The following NAT9 variants were observed in gnomAD, a reference collection of about 807,000 sequenced individuals.
NAT9 encodes the protein alpha/beta-tubulin-N-acetyltransferase 9.
A neutral mutation model predicts 24.0 loss-of-function variants in NAT9; 18 were observed. The observed-to-expected ratio is 0.75, with a 90% CI of 0.52 to 1.11. The LOEUF (loss-of-function observed/expected upper bound fraction) is 1.11, where lower values mean the gene tolerates loss of function less well. NAT9 is among the 50% of genes most tolerant of loss of function. NAT9 has a pLI of 0.00. For missense variants in NAT9, 254 were observed against 258.6 expected, an observed-to-expected ratio of 0.98 and a Z score of 0.12; for synonymous variants, 104 against 102.3, an observed-to-expected ratio of 1.02 and a Z score of -0.10.
Position 74,773,026 on chromosome 17 carries a change from A to G in NAT9, c.204T>C (p.Ile68=). The G allele has an allele frequency of 3.1e-6, 5 of 1,613,924 alleles. No individual in the cohort carries two copies. Among genetic ancestry groups the G allele is most frequent in the Non-Finnish European group, 4.2e-6 (5 of 1,179,952 alleles). ...CCTGCCACTTCTCGGCATCCAGCAC[A>G]ATGAAGGTACACTCTGAGGAGGAGG... ...WQEDADKCTF[I]VLDAEKWQAQ... Residue 68 remains isoleucine (I), a synonymous_variant, in exon 4 of 7, where the codon ATT becomes ATC. Transcript: ENST00000357814.
rs768361207 is a variant in NAT9, at chr17:74,772,151, C to G, written c.394+67G>C. ...GAGGAACCTTCACCTGCCCCCAACCCTCACACCTGAACAAAGTTCACCTGG... is the reference window on the plus strand; with the variant it reads ...GAGGAACCTTCACCTGCCCCCAACCGTCACACCTGAACAAAGTTCACCTGG... On this transcript the variant is annotated intron_variant, in intron 5 of 6. Transcript: ENST00000357814. The G allele has an allele frequency of 9.9e-6, 16 of 1,613,806 alleles. No individual in the cohort carries two copies. In the African/African-American group the frequency reaches 2.0e-4, roughly 20 times the overall value.
At position 74,773,678 on chromosome 17, in the gene NAT9, C is replaced by G; in HGVS notation, c.88G>C (p.Glu30Gln). Reference protein sequence around the residue: ...TSEHVPSRYHEWMKSEELQRL... With the variant: ...TSEHVPSRYHQWMKSEELQRL... ...TGCAGCTCCTCTGATTTCATCCACT[C>G]GTGGTACCTGCTGGGACAGAGGGGT... is the stretch of plus-strand genomic sequence containing the variant. Residue 30 changes from glutamate (E) to glutamine (Q), a missense_variant, in exon 3 of 7, where the codon GAG (glutamate) becomes CAG (glutamine). By Grantham distance (29) the Glu-to-Gln change is conservative. Coordinates refer to ENST00000357814, the MANE Select transcript of NAT9 (RefSeq NM_015654.5). 1 of 1,614,014 alleles carries G rather than the reference C, an allele frequency of 6.2e-7. No individual in the cohort carries two copies. Among genetic ancestry groups the G allele is most frequent in the Non-Finnish European group, 8.5e-7 (1 of 1,179,966 alleles).
At position 74,773,705 on chromosome 17, in the gene NAT9, G is replaced by A. The variant is rs1264336332; in HGVS notation, c.78-17C>T. 6.2e-7 allele frequency: 1 copy of A among 1,609,696 alleles called. No homozygotes were observed. Among genetic ancestry groups the A allele is most frequent in the Non-Finnish European group, 8.5e-7 (1 of 1,176,176 alleles). ...TGGTACCTGCTGGGACAGAGGGGTGGCTTTAGACATGGAGGACTCATTCAG... is the reference window on the plus strand; with the variant it reads ...TGGTACCTGCTGGGACAGAGGGGTGACTTTAGACATGGAGGACTCATTCAG... On this transcript the variant is annotated splice_polypyrimidine_tract_variant and intron_variant, in intron 2 of 6. Coordinates refer to ENST00000357814, the MANE Select transcript of NAT9 (RefSeq NM_015654.5).
chr17:74,772,508 T>C (rs1598364001), intron 4 of NAT9: 5 of 1,422,130 alleles, frequency 3.5e-6, no homozygotes, highest in Middle Eastern at 2.6e-4. Flanking sequence ...TGCTGCCTCA[T>C]GGGGATAGTC....
At chr17:74,772,316 C>T in intron 4 of NAT9, 39 bp from the exon 5 acceptor site, 22 of 1,610,716 alleles carry the variant, frequency 1.4e-5, no homozygotes, top group Non-Finnish European at 1.9e-5. Context: ...CGCCGTGTGC[C>T]AGGCTCCAGT....
At chr17:74,772,510 G>A in intron 4 of NAT9, 1 of 1,420,208 alleles carries the variant, frequency 7.0e-7, no homozygotes, top group Non-Finnish European at 9.2e-7. Flanking sequence ...CTGCCTCATG[G>A]GGATAGTCAG....
At chr17:74,773,267 G>A in intron 3 of NAT9, 3 of 613,630 alleles carry the variant, frequency 4.9e-6, no homozygotes, top group Non-Finnish European at 8.5e-6. Context: ...GGAACACAGA[G>A]GAGGGCAGTC....
chr17:74,772,048 G>T lies in NAT9; in HGVS notation c.401C>A (p.Thr134Asn). 1 of 1,614,176 alleles carries T rather than the reference G, an allele frequency of 6.2e-7. No individual in the cohort carries two copies. The highest frequency in any genetic ancestry group is 8.5e-7 in the Non-Finnish European group (1 of 1,180,038). Reference protein sequence around the residue: ...AVLAMLSYGVTTLGLTKFEAK... With the variant: ...AVLAMLSYGVNTLGLTKFEAK... ...CTCAAACTTGGTCAGACCTAGCGTG[G>T]TCACTCCTCGCAGAGGAGATGAGAC... The change falls in exon 6 of 7, where the codon ACC becomes AAC. Residue 134 changes from threonine to asparagine, a missense_variant. Physicochemically the swap from Thr to Asn is moderately conservative, Grantham distance 65 (BLOSUM62 0). Transcript: ENST00000357814.
chr17:74,773,748 C>G (rs1384571980), intron 2 of NAT9, 60 bp from the exon 3 acceptor site: 46 of 1,365,330 alleles, frequency 3.4e-5, no homozygotes, highest in Non-Finnish European at 4.6e-5. Flanking sequence ...CGTCTGACAC[C>G]TTATGAGGGT....
intron 2 of NAT9, among the ~76,000 whole-genome samples, chr17:74,775,197 T>G (rs7212257): frequency 0.025 from 3,618 of 146,926 alleles, 130 homozygotes; most frequent in African/African-American, 0.085. Context: ...GTTTTTTTTG[T>G]TTTTTTTTGA....
At chr17:74,775,956 C>T in intron 1 of NAT9, 1 of 435,516 alleles carries the variant, frequency 2.3e-6, no homozygotes, top group Non-Finnish European at 4.1e-6. Flanking sequence ...TCCTTCCGTC[C>T]ACTCCCCAGA....
chr17:74,775,821 T>G (rs1598397747), intron 1 of NAT9, 114 bp from the exon 2 acceptor site: 1 of 715,182 alleles, frequency 1.4e-6, no homozygotes, highest in East Asian at 2.7e-5. Context: ...TAGTTCCGTC[T>G]AGACACTTCA....
Position 74,773,679 on chromosome 17 carries a change from G to A in NAT9, c.87C>T (p.His29=), listed in dbSNP as rs146717247. 91 of 1,614,008 alleles carry A rather than the reference G, an allele frequency of 5.6e-5. No homozygotes were observed. The African/African-American group carries it at 8.4e-4, about 15-fold the overall frequency. The change falls in exon 3 of 7, where the codon CAC becomes CAT. Residue 29 remains histidine (H), a synonymous_variant. Transcript: ENST00000357814. ...YTSEHVPSRY[H]EWMKSEELQR... ...GCAGCTCCTCTGATTTCATCCACTC[G>A]TGGTACCTGCTGGGACAGAGGGGTG...
chr17:74,772,469 G>A, intron 4 of NAT9, 192 bp from the exon 5 acceptor site: 1 of 1,433,924 alleles, frequency 7.0e-7, no homozygotes, highest in Non-Finnish European at 9.1e-7. Flanking sequence ...TGACTTCAAA[G>A]CTGACCTCTT....
intron 2 of NAT9, chr17:74,775,237 G>C (rs1031855417): frequency 1.2e-5 from 2 of 166,678 alleles, no homozygotes; most frequent in Admixed American, 6.4e-5. Context: ...ACCCAGGCTG[G>C]AGTACAGTGG....
At chr17:74,772,627 C>A in intron 4 of NAT9, 1 of 1,334,160 alleles carries the variant, frequency 7.5e-7, no homozygotes. Flanking sequence ...GTCCCCAGCC[C>A]ACCCCAACTA....
rs2035392482 is a variant in NAT9 at position 74,772,710 on chromosome 17, T to TGAGGCTGAGGGTGTACCAC, written c.334+167_334+185dup. On this transcript the variant is annotated intron_variant, in intron 4 of 6. Coordinates refer to ENST00000357814, the MANE Select transcript of NAT9 (RefSeq NM_015654.5). ...CGCCTAAGCATAAGGACTAAAGTGA[T>TGAGGCTGAGGGTGTACCAC]GAGGCTGAGGGTGTACCACCAGGCT... The TGAGGCTGAGGGTGTACCAC allele has an allele frequency of 4.4e-6, 5 of 1,135,246 alleles. No individual in the cohort carries two copies. In the East Asian group the frequency reaches 1.3e-4, roughly 30 times the overall value. 70.3% of individuals were successfully genotyped at this position (1,135,246 alleles called of 1,614,324 possible).
intron 2 of NAT9, chr17:74,775,403 G>A: frequency 2.2e-6 from 1 of 444,960 alleles, no homozygotes; most frequent in Non-Finnish European, 4.0e-6. Flanking sequence ...TACCCAAGCT[G>A]GTCTCGAACT....
chr17:74,775,074 C>G (rs545373545), intron 2 of NAT9, among the ~76,000 whole-genome samples: 5 of 151,748 alleles, frequency 3.3e-5, no homozygotes, highest in Non-Finnish European at 7.4e-5. Flanking sequence ...CCAGGCTGGT[C>G]TTGAACTACT....
Sources: gnomAD v4.1 joint callset for allele counts (sites outside exome capture counted in the v4.1 genomes callset) on GRCh38, gnomAD v4.1.1 for gene constraint, MANE v1.5 for transcripts, NCBI Gene and HGNC (gene_info 2026-07-23, HGNC 2026-07-21) for gene names.